CCNYL1: variants seen among roughly 807,000 people sequenced by gnomAD.
CCNYL1 encodes the protein cyclin Y like 1.
Under a neutral mutation model 44.2 loss-of-function variants are expected in CCNYL1, and 16 were observed. The ratio of observed to expected loss-of-function variants is 0.36; its 90% CI spans 0.25 to 0.55. The LOEUF is 0.55. Among genes scored for constraint, CCNYL1 ranks in the 20% least tolerant of loss-of-function variants. CCNYL1 has a pLI of 0.85. For missense variants in CCNYL1, 348 were observed against 451.8 expected (o/e 0.77, Z 2.08); for synonymous variants, 159 against 163.2 (o/e 0.97, Z 0.20).
chr2:207,721,734 G>GTTTTTTTTTTTTTT (rs59024332), intron 1 of CCNYL1, among the ~76,000 whole-genome samples: 2 of 141,150 alleles, frequency 1.4e-5, no homozygotes, highest in Non-Finnish European at 3.1e-5. Context: ...GGAGTTTTTT[G>GTTTTTTTTTTTTTT]TTTTTTTTTT....
At chr2:207,735,395 A>G (rs997529993) in intron 4 of CCNYL1, among the ~76,000 whole-genome samples, 4 of 152,214 alleles carry the variant, frequency 2.6e-5, no homozygotes, top group Non-Finnish European at 5.9e-5. Flanking sequence ...AAACAAATTC[A>G]TCTCACCTCC....
chr2:207,750,292 A>G (rs757682852), intron 8 of CCNYL1, among the ~76,000 whole-genome samples: 4 of 152,154 alleles, frequency 2.6e-5, no homozygotes, highest in Admixed American at 6.5e-5. Context: ...CATAGTGACA[A>G]TTTCTCACCT....
chr2:207,750,706 C>T, intron 8 of CCNYL1: 1 of 372,964 alleles, frequency 2.7e-6, no homozygotes, highest in Non-Finnish European at 4.8e-6. Context: ...AGAATGAGGC[C>T]CGAGTCAGCA....
intron 5 of CCNYL1, among the ~76,000 whole-genome samples, chr2:207,739,045 A>T (rs939183633): frequency 1.3e-5 from 2 of 152,042 alleles, no homozygotes; most frequent in African/African-American, 4.8e-5. Context: ...GACAGTGGCA[A>T]AGCTCACTTT....
intron 5 of CCNYL1, among the ~76,000 whole-genome samples, chr2:207,738,305 C>G (rs1179236183): frequency 6.6e-6 from 1 of 152,080 alleles, no homozygotes; most frequent in Non-Finnish European, 1.5e-5. Context: ...ACTGCAACCT[C>G]CACTTCCCAA....
intron 1 of CCNYL1, among the ~76,000 whole-genome samples, chr2:207,722,684 G>C (rs993241888): frequency 1.3e-5 from 2 of 152,036 alleles, no homozygotes; most frequent in Non-Finnish European, 2.9e-5. Context: ...GTAGAGGCTG[G>C]GTGTGGTGGC....
rs111655233 is a variant in CCNYL1, at chr2:207,727,388, G to A, written c.330+512G>A. On this transcript the variant is annotated intron_variant, in intron 3 of 9. Coordinates refer to ENST00000295414, the MANE Select transcript of CCNYL1 (RefSeq NM_001330218.2). ...TGCTGAGTCATATATTATTCTCACTGTCTTCTCCTTGTACATCCTTTGTTT... is the reference window on the plus strand; with the variant it reads ...TGCTGAGTCATATATTATTCTCACTATCTTCTCCTTGTACATCCTTTGTTT... Among the ~76,000 whole-genome samples the A allele has an allele frequency of 3.8e-3, 582 of 152,122 alleles. 4 individuals are homozygous for A. Among genetic ancestry groups the A allele is most frequent in the African/African-American group, 0.013 (526 of 41,482 alleles).
chr2:207,718,746 G>T (rs1158409387), intron 1 of CCNYL1, among the ~76,000 whole-genome samples: 1 of 152,168 alleles, frequency 6.6e-6, no homozygotes, highest in Non-Finnish European at 1.5e-5. Flanking sequence ...AAGGTGGTTT[G>T]ACTCCCTGAA....
At chr2:207,744,806 T>G (rs1575222397) in intron 7 of CCNYL1, among the ~76,000 whole-genome samples, 1 of 151,660 alleles carries the variant, frequency 6.6e-6, no homozygotes, top group Non-Finnish European at 1.5e-5. Context: ...GAGAAGAGAG[T>G]TAAGAAGCAA....
intron 9 of CCNYL1, 71 bp from the exon 10 acceptor site, chr2:207,753,517 A>AT (rs2091910024): frequency 9.9e-7 from 1 of 1,011,216 alleles, no homozygotes; most frequent in African/African-American, 1.6e-5. Flanking sequence ...TGGCTTTCAC[A>AT]ATGGTGCTCT....
At chr2:207,723,188 G>C (rs1195177481) in intron 1 of CCNYL1, among the ~76,000 whole-genome samples, 1 of 152,170 alleles carries the variant, frequency 6.6e-6, no homozygotes, top group Non-Finnish European at 1.5e-5. Flanking sequence ...GGAGAACAAA[G>C]CAGTTGGTTT....
chr2:207,755,146 A>C lies in CCNYL1; in HGVS notation c.*1448A>C, dbSNP rs2091923089. The stretch of plus-strand genomic sequence containing the variant: ...GTAATCTCAGTACCCTGGGAGGCTG[A>C]GGTGGAAGGATTGCTTGAGTGCAGG... On this transcript the variant is annotated 3_prime_UTR_variant, in exon 10 of 10. Coordinates refer to ENST00000295414, the MANE Select transcript of CCNYL1 (RefSeq NM_001330218.2). The C allele has an allele frequency of 6.6e-6, 1 of 152,148 alleles. No homozygotes were observed. Among genetic ancestry groups the C allele is most frequent in the Non-Finnish European group, 1.5e-5 (1 of 68,036 alleles). 9.4% of individuals were successfully genotyped at this position (152,148 alleles called of 1,614,324 possible).
chr2:207,751,892 A>G (rs2091894557), intron 9 of CCNYL1, among the ~76,000 whole-genome samples: 2 of 140,544 alleles, frequency 1.4e-5, no homozygotes, highest in East Asian at 2.1e-4. Flanking sequence ...ACAAAAATAC[A>G]GGCATGGGGG....
chr2:207,740,527 A>T, intron 5 of CCNYL1, 128 bp from the exon 6 acceptor site: 1 of 684,044 alleles, frequency 1.5e-6, no homozygotes, highest in Non-Finnish European at 2.6e-6. Flanking sequence ...AATTTGTACA[A>T]CTCTTTGCTT....
In CCNYL1 at chr2:207,712,369, C is replaced by A. The variant is rs148171388; in HGVS notation, c.220+253C>A. ...CCATTCTCCCAAGCCGGCGTGGGAC[C>A]CTCTAGTCCGCCGCCCTTCTTGTTT... On this transcript the variant is annotated intron_variant, in intron 1 of 9. Transcript: ENST00000295414. Among the ~76,000 whole-genome samples the A allele has an allele frequency of 3.9e-3, 600 of 152,340 alleles. 1 individual carries two copies. The highest frequency in any genetic ancestry group is 6.7e-3 in the Non-Finnish European group (456 of 68,026).
intron 5 of CCNYL1, among the ~76,000 whole-genome samples, chr2:207,739,340 C>T (rs1364454360): frequency 6.6e-6 from 1 of 152,202 alleles, no homozygotes; most frequent in Admixed American, 6.5e-5. Flanking sequence ...TCAAGTGATT[C>T]TCCTGCCTCA....
At chr2:207,727,291 C>CAT (rs1219069477) in intron 3 of CCNYL1, among the ~76,000 whole-genome samples, 2 of 152,066 alleles carry the variant, frequency 1.3e-5, no homozygotes, top group African/African-American at 2.4e-5. Flanking sequence ...CTATTTCTCC[C>CAT]ATATATATCA....
intron 1 of CCNYL1, among the ~76,000 whole-genome samples, chr2:207,712,758 G>C (rs2091561392): frequency 6.6e-6 from 1 of 152,150 alleles, no homozygotes; most frequent in Non-Finnish European, 1.5e-5. Context: ...AAAGAAAATG[G>C]GGGGAGGGGC....
chr2:207,751,532 G>A (rs1033358237), intron 9 of CCNYL1, among the ~76,000 whole-genome samples: 3 of 151,178 alleles, frequency 2.0e-5, no homozygotes, highest in Non-Finnish European at 3.0e-5. Context: ...CCAGCCTGGC[G>A]AACATGGTGA....
Sources: gnomAD v4.1 joint callset for allele counts (sites outside exome capture counted in the v4.1 genomes callset) on GRCh38, gnomAD v4.1.1 for gene constraint, MANE v1.5 for transcripts, NCBI Gene and HGNC (gene_info 2026-07-23, HGNC 2026-07-21) for gene names.